CCNY: variants seen among roughly 807,000 people sequenced by gnomAD.
CCNY encodes cyclin-Y.
A neutral mutation model predicts 42.8 loss-of-function variants in CCNY; 19 were observed. That is an observed-to-expected ratio of 0.44 (90% CI 0.31 to 0.65). CCNY has a LOEUF of 0.65. CCNY is among the 30% of genes least tolerant of loss of function. The probability of loss-of-function intolerance (pLI) is 0.07; values close to 1 mark genes in which losing one functional copy is unlikely to be tolerated. For missense variants in CCNY, 370 were observed against 437.3 expected (o/e 0.85, Z 1.37); for synonymous variants, 165 against 162.7 (o/e 1.01, Z -0.11).
At chr10:35,375,534 A>G (rs1837033240) in intron 1 of CCNY, among the ~76,000 whole-genome samples, 1 of 152,164 alleles carries the variant, frequency 6.6e-6, no homozygotes, top group African/African-American at 2.4e-5. Flanking sequence ...TAATATATTC[A>G]CAGGTTATGG....
At chr10:35,452,770 T>TAAAAAAAAAAAAAAAA (rs35849411) in intron 1 of CCNY, among the ~76,000 whole-genome samples, 2 of 115,914 alleles carry the variant, frequency 1.7e-5, no homozygotes, top group African/African-American at 3.1e-5. Context: ...TATAGAAAAG[T>TAAAAAAAAAAAAAAAA]AAAAAAAAAA....
chr10:35,499,388 G>A (rs1840065862), intron 2 of CCNY, among the ~76,000 whole-genome samples: 1 of 152,058 alleles, frequency 6.6e-6, no homozygotes, highest in Non-Finnish European at 1.5e-5. Context: ...GAACAGCATG[G>A]GAAAGACCTG....
intron 3 of CCNY, among the ~76,000 whole-genome samples, chr10:35,328,606 C>T (rs1835905612): frequency 6.6e-6 from 1 of 152,182 alleles, no homozygotes; most frequent in South Asian, 2.1e-4. Flanking sequence ...TGGAGAAACA[C>T]TGCAGGCAGA....
At chr10:35,507,283 A>G (rs1840234272) in intron 3 of CCNY, among the ~76,000 whole-genome samples, 1 of 152,194 alleles carries the variant, frequency 6.6e-6, no homozygotes, top group Non-Finnish European at 1.5e-5. Flanking sequence ...GTGTGTATAT[A>G]TATGTGTGTG....
chr10:35,287,735 C>T (rs1835370520), intron 3 of CCNY, among the ~76,000 whole-genome samples: 1 of 151,998 alleles, frequency 6.6e-6, no homozygotes, highest in African/African-American at 2.4e-5. Flanking sequence ...ATTGTCTTTT[C>T]ACTTGTTGAT....
intron 1 of CCNY, among the ~76,000 whole-genome samples, chr10:35,395,413 C>T (rs567750586): frequency 4.9e-4 from 75 of 152,162 alleles, no homozygotes; most frequent in Non-Finnish European, 9.6e-4. Context: ...AGGAGCAGTG[C>T]GAAGGTCATT....
At chr10:35,253,353 G>A (rs2095713249) in intron 3 of CCNY, among the ~76,000 whole-genome samples, 1 of 151,332 alleles carries the variant, frequency 6.6e-6, no homozygotes, top group Admixed American at 6.6e-5. Context: ...GGGCTCAAGC[G>A]AGCCTCCTAC....
chr10:35,344,478 T>G (rs1461433389), intron 1 of CCNY, among the ~76,000 whole-genome samples: 1 of 152,166 alleles, frequency 6.6e-6, no homozygotes, highest in Non-Finnish European at 1.5e-5. Flanking sequence ...GATCATGAGG[T>G]CAGGAGATCA....
In CCNY at chr10:35,418,048, A is replaced by T. The variant is rs147111748; in HGVS notation, c.155-65356A>T. On this transcript the variant is annotated intron_variant, in intron 1 of 9. Coordinates refer to ENST00000374704, the MANE Select transcript of CCNY (RefSeq NM_145012.6). Reference sequence around the variant, plus strand: ...GAAAAATCATCAGTAAAGCTTGAGGATAAGACTTTTGAGTATAAAGTGGGG... The same window carrying T: ...GAAAAATCATCAGTAAAGCTTGAGGTTAAGACTTTTGAGTATAAAGTGGGG... Among the ~76,000 whole-genome samples the T allele has an allele frequency of 1.1e-4, 16 of 152,344 alleles. No individual in the cohort carries two copies. In the East Asian group the frequency reaches 3.1e-3, roughly 29 times the overall value.
chr10:35,488,331 G>A (rs1014387683), intron 2 of CCNY, among the ~76,000 whole-genome samples: 1 of 152,190 alleles, frequency 6.6e-6, no homozygotes, highest in South Asian at 2.1e-4. Context: ...GAACTTTTGC[G>A]TGGTGAAACA....
chr10:35,560,062 G>C (rs1025374971), intron 8 of CCNY, among the ~76,000 whole-genome samples: 2 of 152,216 alleles, frequency 1.3e-5, no homozygotes, highest in Non-Finnish European at 2.9e-5. Flanking sequence ...TTGTATTTTA[G>C]AAGCAGGTCA....
chr10:35,308,328 G>A (rs1835639332), intron 3 of CCNY, among the ~76,000 whole-genome samples: 2 of 152,016 alleles, frequency 1.3e-5, no homozygotes, highest in Non-Finnish European at 2.9e-5. Context: ...CAAAGTGGGA[G>A]GATCGCCTGA....
chr10:35,310,550 T>C lies in CCNY; in HGVS notation c.-9+59924T>C, dbSNP rs1165109736. Among the ~76,000 whole-genome samples the C allele has an allele frequency of 2.6e-5, 4 of 152,192 alleles. No homozygotes were observed. The East Asian group carries it at 7.7e-4, about 29-fold the overall frequency. Reference sequence around the variant, plus strand: ...ACAGTGTATATCCCCTTTCCCTGTATCCTCACCAAGATTTGTTATTTTTTG... The same window carrying C: ...ACAGTGTATATCCCCTTTCCCTGTACCCTCACCAAGATTTGTTATTTTTTG... On this transcript the variant is annotated intron_variant, in intron 3 of 11. Coordinates refer to the CCNY transcript ENST00000374706.
intron 8 of CCNY, among the ~76,000 whole-genome samples, chr10:35,560,135 C>T (rs1407996506): frequency 6.6e-6 from 1 of 152,094 alleles, no homozygotes; most frequent in Non-Finnish European, 1.5e-5. Flanking sequence ...TTCACCCATA[C>T]CTGATTCAGA....
At chr10:35,430,881 A>G (rs1838378915) in intron 1 of CCNY, among the ~76,000 whole-genome samples, 1 of 152,050 alleles carries the variant, frequency 6.6e-6, no homozygotes, top group Non-Finnish European at 1.5e-5. Context: ...GAGGCCGATC[A>G]CGATCCGCGG....
chr10:35,403,383 T>C (rs1176466314), intron 1 of CCNY, among the ~76,000 whole-genome samples: 2 of 152,002 alleles, frequency 1.3e-5, no homozygotes, highest in Non-Finnish European at 2.9e-5. Context: ...GATTGATAGA[T>C]GGAAGTTTCA....
chr10:35,539,690 G>A (rs1337472236), intron 7 of CCNY, among the ~76,000 whole-genome samples: 1 of 152,176 alleles, frequency 6.6e-6, no homozygotes, highest in Non-Finnish European at 1.5e-5. Context: ...GGGAGGCTGA[G>A]GCAGGAGAAT....
chr10:35,325,480 T>C (rs1483361770), intron 3 of CCNY, among the ~76,000 whole-genome samples: 38 of 123,702 alleles, frequency 3.1e-4, no homozygotes, highest in East Asian at 1.9e-3. Context: ...GCACAGACCC[T>C]TTTTTTTTTT....
intron 3 of CCNY, among the ~76,000 whole-genome samples, chr10:35,508,551 C>G (rs1840260041): frequency 6.6e-6 from 1 of 152,162 alleles, no homozygotes; most frequent in East Asian, 1.9e-4. Flanking sequence ...GGTCTGGACA[C>G]CATGTGTGCT....
Sources: gnomAD v4.1 joint callset for allele counts (sites outside exome capture counted in the v4.1 genomes callset) on GRCh38, gnomAD v4.1.1 for gene constraint, MANE v1.5 for transcripts, NCBI Gene and HGNC (gene_info 2026-07-23, HGNC 2026-07-21) for gene names.